NFASC: variants seen among roughly 807,000 people sequenced by gnomAD.
NFASC encodes neurofascin, also known as neurofascin homolog.
In NFASC, 43 loss-of-function variants were observed where a neutral mutation model predicts 147.5. The observed-to-expected ratio is 0.29, with a 90% CI of 0.23 to 0.38. The LOEUF is 0.38. Among genes scored for constraint, NFASC ranks in the 10% least tolerant of loss-of-function variants. The probability of loss-of-function intolerance (pLI) is 1.00; values close to 1 mark genes in which losing one functional copy is unlikely to be tolerated. For missense variants in NFASC, 1,320 were observed against 1,689.0 expected, an observed-to-expected ratio of 0.78 and a Z score of 3.83; for synonymous variants, 622 against 665.5, an observed-to-expected ratio of 0.93 and a Z score of 1.01.
intron 2 of NFASC, among the ~76,000 whole-genome samples, chr1:204,941,747 T>A (rs577575086): frequency 6.6e-5 from 10 of 152,338 alleles, no homozygotes; most frequent in African/African-American, 2.4e-4. Flanking sequence ...TGATGCCTTC[T>A]AGCCAGAGGG....
chr1:204,863,703 G>A (rs2102883766), intron 1 of NFASC, among the ~76,000 whole-genome samples: 1 of 152,114 alleles, frequency 6.6e-6, no homozygotes, highest in African/African-American at 2.4e-5. Flanking sequence ...ACAAAAATTA[G>A]TCAGGCGTGG....
intron 8 of NFASC, among the ~76,000 whole-genome samples, chr1:204,966,217 A>G (rs1297985107): frequency 1.3e-5 from 2 of 152,158 alleles, no homozygotes; most frequent in Non-Finnish European, 2.9e-5. Flanking sequence ...GTGTCAAGGC[A>G]CCCACAGCAG....
chr1:204,953,885 C>T (rs933962722), intron 5 of NFASC, among the ~76,000 whole-genome samples: 3 of 152,186 alleles, frequency 2.0e-5, no homozygotes, highest in Non-Finnish European at 4.4e-5. Context: ...ACATAACCCC[C>T]GAGTAGCTAC....
rs1450814373 is a variant in NFASC at position 204,877,027 on chromosome 1, TAATA to T, written c.-199-43604_-199-43601del. Among the ~76,000 whole-genome samples the T allele has an allele frequency of 1.8e-3, 155 of 85,110 alleles. 11 individuals are homozygous for T. The highest frequency in any genetic ancestry group is 0.012 in the East Asian group (14 of 1,124). 55.8% of individuals were successfully genotyped at this position (85,110 alleles called of 152,430 possible). ...ATATATATATATATATATATATATA[TAATA>T]TATATTTATATATATATAATATATT... On this transcript the variant is annotated intron_variant, in intron 1 of 29. Coordinates refer to ENST00000339876, the MANE Select transcript of NFASC (RefSeq NM_001005388.3).
chr1:204,977,836 G>A lies in NFASC; in HGVS notation c.1876+111G>A, dbSNP rs968066537. On this transcript the variant is annotated intron_variant, in intron 17 of 29. Coordinates refer to ENST00000339876, the MANE Select transcript of NFASC (RefSeq NM_001005388.3). ...AAAGGGCGACAGTGTGTAGGTTTGT[G>A]GGCAGCACTCCTGGCTACATGGGAC... 3.5e-5 allele frequency: 33 copies of A among 946,914 alleles called. 1 individual carries two copies. In the South Asian group the frequency reaches 5.5e-4, roughly 16 times the overall value. 58.7% of individuals were successfully genotyped at this position (946,914 alleles called of 1,614,324 possible). A position where few individuals can be genotyped will look rare whatever the true frequency, so the allele number is the denominator to read the frequency against.
At chr1:204,868,812 TCTGGATGTCAC>T (rs2077332944) in intron 1 of NFASC, among the ~76,000 whole-genome samples, 1 of 152,224 alleles carries the variant, frequency 6.6e-6, no homozygotes, top group Admixed American at 6.5e-5. Context: ...CAGGGGGTCA[TCTGGATGTCAC>T]CTGATTTTCT....
At chr1:204,903,825 A>G (rs1313916158) in intron 1 of NFASC, among the ~76,000 whole-genome samples, 1 of 152,266 alleles carries the variant, frequency 6.6e-6, no homozygotes, top group African/African-American at 2.4e-5. Context: ...TGAGAATTAT[A>G]GCAGTTTTCT....
Position 204,935,262 on chromosome 1 carries a change from G to A in NFASC, c.-90-8964G>A, listed in dbSNP as rs555166685. ...AAGAAGAGTGATTGCCGTAAAGACA[G>A]TGTGGAAGTAAACAAAGATCACCCA... On this transcript the variant is annotated intron_variant, in intron 2 of 29. Coordinates refer to ENST00000339876, the MANE Select transcript of NFASC (RefSeq NM_001005388.3). 2.0e-5 allele frequency among the ~76,000 whole-genome samples: 3 copies of A among 152,260 alleles called. No homozygotes were observed. In the South Asian group the frequency reaches 6.2e-4, roughly 32 times the overall value.
Position 204,855,974 on chromosome 1 carries a change from C to A in NFASC, c.-200+27192C>A, listed in dbSNP as rs139798864. On this transcript the variant is annotated intron_variant, in intron 1 of 29. Transcript: ENST00000339876. ...TATGTTTCATTAACTCTTACAATGA[C>A]CCTATGAAGCAACTATTATCATTAT... Among the ~76,000 whole-genome samples the A allele has an allele frequency of 5.8e-3, 886 of 152,238 alleles. 2 individuals are homozygous for A. Among genetic ancestry groups the A allele is most frequent in the Non-Finnish European group, 9.9e-3 (673 of 68,028 alleles).
chr1:204,917,764 T>G (rs888655355), intron 1 of NFASC, among the ~76,000 whole-genome samples: 3 of 152,216 alleles, frequency 2.0e-5, no homozygotes, highest in African/African-American at 7.2e-5. Context: ...TTTGCTTTTT[T>G]GGTATGACAG....
intron 10 of NFASC, among the ~76,000 whole-genome samples, chr1:204,969,619 T>A (rs2095141608): frequency 6.6e-6 from 1 of 152,216 alleles, no homozygotes; most frequent in Non-Finnish European, 1.5e-5. Flanking sequence ...TCTTGTGACC[T>A]TGGCTTCAGC....
intron 22 of NFASC, 133 bp from the exon 23 acceptor site, chr1:204,988,500 A>C: frequency 1.3e-6 from 1 of 778,158 alleles, no homozygotes; most frequent in Non-Finnish European, 2.1e-6. Flanking sequence ...CCAAGCCTTT[A>C]AGATCACCAG....
chr1:205,012,951 G>A, intron 29 of NFASC, 85 bp downstream of exon 29: 1 of 953,386 alleles, frequency 1.0e-6, no homozygotes, highest in Non-Finnish European at 1.7e-6. Flanking sequence ...AGCTCCGCTT[G>A]GCTGAGAGGC....
intron 24 of NFASC, among the ~76,000 whole-genome samples, chr1:204,996,315 CTG>C (rs1326182151): frequency 3.3e-5 from 5 of 152,266 alleles, no homozygotes; most frequent in Non-Finnish European, 5.9e-5. Flanking sequence ...TGGGACTCCT[CTG>C]TCTGCTGTGG....
rs73077681 is a variant in NFASC at position 204,847,574 on chromosome 1, C to T, written c.-200+18792C>T. Among the ~76,000 whole-genome samples the T allele has an allele frequency of 1.0e-2, 1,516 of 152,288 alleles. 28 individuals are homozygous for T. Among genetic ancestry groups the T allele is most frequent in the African/African-American group, 0.034 (1,409 of 41,548 alleles). On this transcript the variant is annotated intron_variant, in intron 1 of 29. Transcript: ENST00000339876. ...TACAGAGACTCCTCCTGGCTCTTTCCCAAGGCTACCAGCCTCTTTTCCTTT... is the reference window on the plus strand; with the variant it reads ...TACAGAGACTCCTCCTGGCTCTTTCTCAAGGCTACCAGCCTCTTTTCCTTT...
intron 1 of NFASC, among the ~76,000 whole-genome samples, chr1:204,902,201 G>A (rs2084786175): frequency 6.6e-6 from 1 of 152,088 alleles, no homozygotes; most frequent in Non-Finnish European, 1.5e-5. Flanking sequence ...AGGCTGAGGT[G>A]GGAGGATTGC....
rs185096088 is a variant in NFASC, at chr1:204,831,676, A to G, written c.-200+2894A>G. Among the ~76,000 whole-genome samples the G allele has an allele frequency of 1.6e-4, 24 of 152,164 alleles. No individual in the cohort carries two copies. In the East Asian group the frequency reaches 2.9e-3, roughly 18 times the overall value. ...AGGAAATCAGAGAGGGGGAAGCAGA[A>G]AAATTCAGTTCTCAGTCTGTTTGCC... On this transcript the variant is annotated intron_variant, in intron 1 of 29. Transcript: ENST00000339876.
In NFASC at chr1:205,022,821, G is replaced by C. The variant is rs532265629; in HGVS notation, c.*6282G>C. Reference sequence around the variant, plus strand: ...CGTATAATAAAAGTTGTTCAAAATGGACTCTTGCCATGTGATTTGCTCATT... The same window carrying C: ...CGTATAATAAAAGTTGTTCAAAATGCACTCTTGCCATGTGATTTGCTCATT... On this transcript the variant is annotated 3_prime_UTR_variant, in exon 30 of 30. Transcript: ENST00000339876. 1 of 152,692 alleles carries C rather than the reference G, an allele frequency of 6.5e-6. No individual in the cohort carries two copies. The highest frequency in any genetic ancestry group is 1.9e-4 in the East Asian group (1 of 5,186). The allele number at this position is 152,692 out of a possible 1,614,324, so 9.5% of individuals were successfully genotyped here. A position where few individuals can be genotyped will look rare whatever the true frequency, so the allele number is the denominator to read the frequency against.
chr1:204,839,106 T>G (rs191519078), intron 1 of NFASC, among the ~76,000 whole-genome samples: 160 of 152,352 alleles, frequency 1.1e-3, no homozygotes, highest in African/African-American at 3.7e-3. Context: ...TGAAGGTATT[T>G]CTTATTGTCT....
Sources: allele counts gnomAD v4.1 joint callset (sites outside exome capture counted in the v4.1 genomes callset), GRCh38; gene constraint gnomAD v4.1.1; transcripts MANE v1.5; gene names NCBI Gene and HGNC (gene_info 2026-07-23, HGNC 2026-07-21).